Variants in ELP4 observed in about 807,000 individuals in gnomAD.
The protein encoded by ELP4 is elongator complex protein 4.
Under a neutral mutation model 48.9 loss-of-function variants are expected in ELP4, and 51 were observed. The ratio of observed to expected loss-of-function variants is 1.04; its 90% CI spans 0.83 to 1.32. ELP4 has a LOEUF of 1.32. Among genes scored for constraint, ELP4 ranks in the 40% most tolerant of loss-of-function variants. ELP4 has a pLI of 0.00. For synonymous variants in ELP4, 210 were observed against 189.2 expected, an observed-to-expected ratio of 1.11 and a Z score of -0.90; for missense variants, 519 against 514.6, an observed-to-expected ratio of 1.01 and a Z score of -0.08.
chr11:31,705,185 A>G lies in ELP4; in HGVS notation c.1143+54964A>G, dbSNP rs141902851. 2.0e-3 allele frequency among the ~76,000 whole-genome samples: 302 copies of G among 152,262 alleles called. 1 individual carries two copies. The highest frequency in any genetic ancestry group is 6.9e-3 in the African/African-American group (287 of 41,554). On this transcript the variant is annotated intron_variant, in intron 9 of 9. Transcript: ENST00000640961. ...TTTGGAGACTGGGAAGTCCAAGAGC[A>G]TGGTGCCAACATCTGGCAGGGGTCT... is the stretch of plus-strand genomic sequence containing the variant.
At chr11:31,544,566 G>A (rs530014595) in intron 3 of ELP4, among the ~76,000 whole-genome samples, 4 of 152,214 alleles carry the variant, frequency 2.6e-5, no homozygotes, top group Admixed American at 2.0e-4. Flanking sequence ...TCCACCTCTC[G>A]GGGCAGGGCA....
intron 9 of ELP4, among the ~76,000 whole-genome samples, chr11:31,751,034 T>C (rs1422718857): frequency 6.6e-6 from 1 of 152,242 alleles, no homozygotes; most frequent in Non-Finnish European, 1.5e-5. Flanking sequence ...AATGTTAAAG[T>C]CTGAAAGAAC....
At chr11:31,714,842 G>T in intron 9 of ELP4, 1 of 398,274 alleles carries the variant, frequency 2.5e-6, no homozygotes, top group Non-Finnish European at 4.4e-6. Flanking sequence ...CACTTTTAAG[G>T]ATCCTTGTAA....
At chr11:31,547,754 C>T (rs375349550) in intron 3 of ELP4, among the ~76,000 whole-genome samples, 32 of 152,180 alleles carry the variant, frequency 2.1e-4, no homozygotes, top group South Asian at 4.2e-4. Flanking sequence ...ACTGGCAAAC[C>T]GAATCCAGCA....
At chr11:31,615,889 T>TA (rs1944469285) in intron 5 of ELP4, among the ~76,000 whole-genome samples, 1 of 152,132 alleles carries the variant, frequency 6.6e-6, no homozygotes, top group Non-Finnish European at 1.5e-5. Context: ...ACTGGAGTGT[T>TA]ACTATATTAT....
chr11:31,684,934 T>A (rs1253927908), intron 9 of ELP4, among the ~76,000 whole-genome samples: 3 of 152,224 alleles, frequency 2.0e-5, no homozygotes, highest in Non-Finnish European at 2.9e-5. Flanking sequence ...CTGATTTTGA[T>A]CTTACTAAAC....
chr11:31,691,262 T>C (rs16922404), intron 9 of ELP4, among the ~76,000 whole-genome samples: 3,002 of 152,206 alleles, frequency 0.02, 96 homozygotes, highest in African/African-American at 0.068. Flanking sequence ...TAATGCTTAT[T>C]TTATGCAAAC....
At chr11:31,739,899 CAT>C (rs1947408433) in intron 9 of ELP4, among the ~76,000 whole-genome samples, 1 of 152,164 alleles carries the variant, frequency 6.6e-6, no homozygotes, top group South Asian at 2.1e-4. Flanking sequence ...AATATTTACT[CAT>C]AGAGTCCCCA....
At chr11:31,692,128 C>T (rs2134140173) in intron 9 of ELP4, among the ~76,000 whole-genome samples, 1 of 152,256 alleles carries the variant, frequency 6.6e-6, no homozygotes, top group South Asian at 2.1e-4. Context: ...TCTAACAATA[C>T]TGGAGCTGCT....
At chr11:31,685,605 G>A (rs968619743) in intron 9 of ELP4, among the ~76,000 whole-genome samples, 3 of 152,068 alleles carry the variant, frequency 2.0e-5, no homozygotes, top group Admixed American at 6.6e-5. Flanking sequence ...GAAATGCAGA[G>A]ACTTTAATGA....
chr11:31,690,434 T>A (rs1358782900), intron 9 of ELP4, among the ~76,000 whole-genome samples: 4 of 151,762 alleles, frequency 2.6e-5, no homozygotes, highest in South Asian at 4.2e-4. Flanking sequence ...AAAAAAAATA[T>A]ATATATTTTA....
intron 3 of ELP4, 129 bp from the exon 4 acceptor site, chr11:31,594,641 G>A (rs1460537548): frequency 2.0e-6 from 1 of 497,190 alleles, no homozygotes; most frequent in Non-Finnish European, 3.4e-6. Context: ...TTATGAATTT[G>A]TATTTAAATC....
intron 9 of ELP4, among the ~76,000 whole-genome samples, chr11:31,690,990 TGGC>T (rs762084382): frequency 9.2e-5 from 14 of 152,064 alleles, no homozygotes; most frequent in Non-Finnish European, 1.6e-4. Flanking sequence ...TAGCTGCTTT[TGGC>T]ATTTAATATA....
At chr11:31,716,291 G>T (rs1946840862) in intron 9 of ELP4, among the ~76,000 whole-genome samples, 1 of 152,132 alleles carries the variant, frequency 6.6e-6, no homozygotes, top group Non-Finnish European at 1.5e-5. Context: ...GGGATTGCAG[G>T]CACAAGCCAC....
intron 9 of ELP4, among the ~76,000 whole-genome samples, chr11:31,682,601 T>A (rs962872288): frequency 2.6e-5 from 4 of 152,216 alleles, no homozygotes; most frequent in Non-Finnish European, 4.4e-5. Context: ...TTAGCTCAAG[T>A]TGAGTAAGTA....
At chr11:31,711,090 ACT>A (rs1167370816) in intron 9 of ELP4, among the ~76,000 whole-genome samples, 4 of 152,114 alleles carry the variant, frequency 2.6e-5, no homozygotes, top group African/African-American at 9.7e-5. Context: ...TAAATATGAG[ACT>A]CTGTTACACT....
At chr11:31,773,267 G>A (rs1259960844) in intron 9 of ELP4, among the ~76,000 whole-genome samples, 1 of 152,200 alleles carries the variant, frequency 6.6e-6, no homozygotes, top group Admixed American at 6.5e-5. Flanking sequence ...CATAGTTCTA[G>A]GATTCCGTTG....
chr11:31,707,092 T>A, intron 9 of ELP4: 1 of 397,992 alleles, frequency 2.5e-6, no homozygotes, highest in East Asian at 3.6e-5. Flanking sequence ...TTTGGAGAAA[T>A]TCCCAGTAGT....
chr11:31,549,341 C>A (rs1477474326), intron 3 of ELP4, among the ~76,000 whole-genome samples: 8 of 152,176 alleles, frequency 5.3e-5, no homozygotes, highest in Non-Finnish European at 1.0e-4. Context: ...TGAACAGACA[C>A]TTCTCAAAAG....
Sources: gnomAD v4.1 joint callset for allele counts (sites outside exome capture counted in the v4.1 genomes callset) on GRCh38, gnomAD v4.1.1 for gene constraint, MANE v1.5 for transcripts, NCBI Gene and HGNC (gene_info 2026-07-23, HGNC 2026-07-21) for gene names.